The following MAGI2 variants were observed in gnomAD, a reference collection of about 807,000 sequenced individuals.
MAGI2 encodes membrane-associated guanylate kinase, WW and PDZ domain-containing protein 2.
MAGI2 carries 35 observed loss-of-function variants against 133.3 expected under a neutral mutation model. The observed-to-expected ratio is 0.26, with a 90% CI of 0.20 to 0.35. MAGI2 has a LOEUF of 0.35. MAGI2 is among the 10% of genes least tolerant of loss of function. The pLI is 1.00. For synonymous variants in MAGI2, 729 were observed against 710.6 expected (o/e 1.03, Z -0.41); for missense variants, 1,636 against 1,863.4 (o/e 0.88, Z 2.25).
intron 4 of MAGI2, among the ~76,000 whole-genome samples, chr7:78,506,356 C>CAA (rs1795088124): frequency 6.6e-6 from 1 of 151,962 alleles, no homozygotes. Flanking sequence ...ATGGAGACGT[C>CAA]AAGTCAGAGA....
At chr7:79,002,826 CCTT>C (rs1174333818) in intron 2 of MAGI2, among the ~76,000 whole-genome samples, 1 of 150,586 alleles carries the variant, frequency 6.6e-6, no homozygotes, top group African/African-American at 2.4e-5. Context: ...GTGACCATCT[CCTT>C]CTATTCTAAG....
In MAGI2 at chr7:78,674,552, T is replaced by A. The variant is rs370453053; in HGVS notation, c.419-47313A>T. 4.6e-5 allele frequency among the ~76,000 whole-genome samples: 7 copies of A among 152,292 alleles called. No homozygotes were observed. In the East Asian group the frequency reaches 9.6e-4, roughly 21 times the overall value. The stretch of plus-strand genomic sequence containing the variant: ...TGGGCAAGTTATATAATGTGTAATT[T>A]TTAATATTTTGTCTACCTCATTTAT... On this transcript the variant is annotated intron_variant, in intron 2 of 21. Coordinates refer to ENST00000354212, the MANE Select transcript of MAGI2 (RefSeq NM_012301.4).
chr7:78,666,647 G>T (rs985392760), intron 2 of MAGI2, among the ~76,000 whole-genome samples: 8 of 152,126 alleles, frequency 5.3e-5, no homozygotes, highest in African/African-American at 1.7e-4. Context: ...ATGATACCTG[G>T]TAGCTTCACA....
At chr7:78,655,421 AAAC>A (rs1179825167) in intron 2 of MAGI2, among the ~76,000 whole-genome samples, 1 of 149,000 alleles carries the variant, frequency 6.7e-6, no homozygotes, top group Non-Finnish European at 1.5e-5. Flanking sequence ...AAACAAAACA[AAAC>A]AAAACAAAAA....
At chr7:78,310,289 G>C (rs1346271040) in intron 9 of MAGI2, among the ~76,000 whole-genome samples, 3 of 152,042 alleles carry the variant, frequency 2.0e-5, no homozygotes, top group Admixed American at 1.3e-4. Context: ...ACAAAAATTA[G>C]CTGGGCATGG....
intron 6 of MAGI2, among the ~76,000 whole-genome samples, chr7:78,429,473 GTTCT>G (rs772048045): frequency 6.6e-6 from 1 of 151,918 alleles, no homozygotes; most frequent in East Asian, 1.9e-4. Flanking sequence ...AATGGATTTC[GTTCT>G]TTGTTTCATT....
intron 1 of MAGI2, among the ~76,000 whole-genome samples, chr7:79,214,360 C>CCTCTCTCT (rs71531163): frequency 9.1e-4 from 25 of 27,566 alleles, no homozygotes; most frequent in East Asian, 2.2e-3. Flanking sequence ...GCATTACGCA[C>CCTCTCTCT]CTCTCTCTCT....
At chr7:78,045,131 A>G (rs12531571) in intron 21 of MAGI2, among the ~76,000 whole-genome samples, 35,137 of 152,092 alleles carry the variant, frequency 0.23, 4,265 homozygotes, top group Non-Finnish European at 0.27. Context: ...CGCACCACTG[A>G]ACTCTAGCCT....
At chr7:78,848,771 C>A (rs889837853) in intron 2 of MAGI2, among the ~76,000 whole-genome samples, 1 of 152,036 alleles carries the variant, frequency 6.6e-6, no homozygotes, top group Non-Finnish European at 1.5e-5. Flanking sequence ...AAGGTCTCTG[C>A]CAAAATATAT....
chr7:78,549,477 T>C (rs1238286628), intron 3 of MAGI2, among the ~76,000 whole-genome samples: 1 of 151,554 alleles, frequency 6.6e-6, no homozygotes, highest in Non-Finnish European at 1.5e-5. Flanking sequence ...TGGAGAAGAG[T>C]CCTACTGCCT....
chr7:78,327,283 C>T (rs547500065), intron 9 of MAGI2, among the ~76,000 whole-genome samples: 2 of 152,312 alleles, frequency 1.3e-5, no homozygotes, highest in East Asian at 1.9e-4. Flanking sequence ...TACTGAGTTG[C>T]GATGGCTTCA....
chr7:78,654,013 C>T (rs973233534), intron 2 of MAGI2, among the ~76,000 whole-genome samples: 2 of 152,078 alleles, frequency 1.3e-5, no homozygotes, highest in African/African-American at 4.8e-5. Context: ...AGAAATTGTT[C>T]AGCTGGGAAG....
intron 2 of MAGI2, among the ~76,000 whole-genome samples, chr7:78,922,659 G>C (rs1412153496): frequency 6.6e-6 from 1 of 152,146 alleles, no homozygotes; most frequent in Non-Finnish European, 1.5e-5. Context: ...ACATAACTGT[G>C]TATGTGTCTT....
chr7:78,227,866 G>T (rs1297908921), intron 10 of MAGI2, among the ~76,000 whole-genome samples: 1 of 151,864 alleles, frequency 6.6e-6, no homozygotes, highest in African/African-American at 2.4e-5. Context: ...GTGTGTGTGT[G>T]TGTGTGTGTG....
chr7:78,612,142 T>C (rs1170019582), intron 3 of MAGI2, among the ~76,000 whole-genome samples: 1 of 152,174 alleles, frequency 6.6e-6, no homozygotes, highest in Admixed American at 6.5e-5. Flanking sequence ...TTTTTTTCAG[T>C]AATAGAAGAG....
chr7:78,668,975 T>C (rs1813987733), intron 2 of MAGI2, among the ~76,000 whole-genome samples: 1 of 151,806 alleles, frequency 6.6e-6, no homozygotes, highest in African/African-American at 2.4e-5. Flanking sequence ...GAAGGAAAGA[T>C]CCAAAATTGA....
chr7:78,126,757 C>CT (rs1821024345), intron 19 of MAGI2, among the ~76,000 whole-genome samples: 1 of 152,186 alleles, frequency 6.6e-6, no homozygotes, highest in Non-Finnish European at 1.5e-5. Flanking sequence ...GGGCTTGGCC[C>CT]TTTATCACAG....
intron 1 of MAGI2, among the ~76,000 whole-genome samples, chr7:79,259,454 G>A (rs1195033192): frequency 6.6e-6 from 1 of 152,050 alleles, no homozygotes; most frequent in Admixed American, 6.6e-5. Context: ...ACATTGAGGA[G>A]GCATACCTAT....
chr7:78,279,272 C>G (rs1055425144), intron 9 of MAGI2, among the ~76,000 whole-genome samples: 10 of 150,488 alleles, frequency 6.6e-5, no homozygotes, highest in Non-Finnish European at 1.2e-4. Context: ...TATGTCTGAA[C>G]AATTTTGATG....
Sources: allele counts gnomAD v4.1 joint callset (sites outside exome capture counted in the v4.1 genomes callset), GRCh38; gene constraint gnomAD v4.1.1; transcripts MANE v1.5; gene names NCBI Gene and HGNC (gene_info 2026-07-23, HGNC 2026-07-21).